Variants in SLC1A7 observed in about 807,000 individuals in gnomAD.
The protein encoded by SLC1A7 is excitatory amino acid transporter 5.
In SLC1A7, 40 loss-of-function variants were observed where a neutral mutation model predicts 47.7. The ratio of observed to expected loss-of-function variants is 0.84; its 90% confidence interval spans 0.65 to 1.09. The LOEUF (loss-of-function observed/expected upper bound fraction) is 1.09, where lower values mean the gene tolerates loss of function less well. Among genes scored for constraint, SLC1A7 ranks in the 50% least tolerant of loss-of-function variants. The pLI is 0.00. For missense variants in SLC1A7, 746 were observed against 769.5 expected, an observed-to-expected ratio of 0.97 and a Z score of 0.36; for synonymous variants, 323 against 325.6, an observed-to-expected ratio of 0.99 and a Z score of 0.09.
chr1:53,126,170 AC>A (rs1402529101), intron 2 of SLC1A7, among the ~76,000 whole-genome samples: 1 of 152,020 alleles, frequency 6.6e-6, no homozygotes, highest in Non-Finnish European at 1.5e-5. Flanking sequence ...GATCTAAAAC[AC>A]CCACCCCTCT....
At chr1:53,126,395 T>C (rs2150340841) in intron 2 of SLC1A7, among the ~76,000 whole-genome samples, 1 of 152,280 alleles carries the variant, frequency 6.6e-6, no homozygotes, top group Non-Finnish European at 1.5e-5. Context: ...AATGCACATA[T>C]GATGGGACTC....
chr1:53,090,087 G>T (rs539035565), intron 8 of SLC1A7, 153 bp from the exon 9 acceptor site: 1 of 741,734 alleles, frequency 1.3e-6, no homozygotes, highest in East Asian at 2.7e-5. Flanking sequence ...AGCTCTCGGG[G>T]TCAAGTCCCT....
chr1:53,139,478 T>C (rs935140793), intron 1 of SLC1A7, among the ~76,000 whole-genome samples: 3 of 152,222 alleles, frequency 2.0e-5, no homozygotes, highest in African/African-American at 2.4e-5. Flanking sequence ...CTCTGGTTCC[T>C]TGGGGCAGGC....
At chr1:53,136,202 A>T (rs1451044364) in intron 1 of SLC1A7, among the ~76,000 whole-genome samples, 3 of 147,134 alleles carry the variant, frequency 2.0e-5, no homozygotes, top group South Asian at 2.1e-4. Context: ...ATATATATAT[A>T]TTTTTTAGAC....
intron 3 of SLC1A7, among the ~76,000 whole-genome samples, chr1:53,106,347 G>A (rs115067275): frequency 4.0e-4 from 60 of 151,888 alleles, no homozygotes; most frequent in Admixed American, 7.2e-4. Flanking sequence ...ATAAAAAACG[G>A]TGGCTCACGC....
chr1:53,118,062 G>A (rs970988313), intron 2 of SLC1A7, among the ~76,000 whole-genome samples: 2 of 152,252 alleles, frequency 1.3e-5, no homozygotes, highest in Non-Finnish European at 2.9e-5. Context: ...AGGTGAGGGC[G>A]GAGGCCAAGA....
At chr1:53,135,981 ATCT>A (rs1474845247) in intron 1 of SLC1A7, among the ~76,000 whole-genome samples, 3 of 151,848 alleles carry the variant, frequency 2.0e-5, no homozygotes, top group Non-Finnish European at 4.4e-5. Flanking sequence ...GACTCTTGAG[ATCT>A]TCTAGCCCAG....
intron 5 of SLC1A7, among the ~76,000 whole-genome samples, chr1:53,100,567 T>C (rs1250172147): frequency 6.6e-6 from 1 of 151,270 alleles, no homozygotes; most frequent in East Asian, 2.0e-4. Context: ...ACTGCCTCAA[T>C]ACACATACAC....
At chr1:53,095,544 CACTCA>C (rs200225374) in intron 5 of SLC1A7, among the ~76,000 whole-genome samples, 1,678 of 150,062 alleles carry the variant, frequency 0.011, 38 homozygotes, top group African/African-American at 0.039. Flanking sequence ...CGCCTCGGTA[CACTCA>C]ACTCGCCTTG....
In SLC1A7 at chr1:53,088,118, G is replaced by A. The variant is rs1196076109; in HGVS notation, c.1574C>T (p.Pro525Leu). 1.1e-5 allele frequency: 17 copies of A among 1,612,768 alleles called. No homozygotes were observed. Among genetic ancestry groups the A allele is most frequent in the Non-Finnish European group, 1.4e-5 (17 of 1,179,338 alleles). Residue 525 changes from proline (P) to leucine (L), a missense_variant, in exon 11 of 11, where the codon CCC (proline) becomes CTC (leucine). Transcript: ENST00000371494. ...AACGGGGACGTGGTGGGGGCAGGTGGGGCCCAGGGTGAGCTCGGAGGCCTC... is the reference window on the plus strand; with the variant it reads ...AACGGGGACGTGGTGGGGGCAGGTGAGGCCCAGGGTGAGCTCGGAGGCCTC... ...VAEASELTLG[P>L]TCPHHVPVQV...
intron 1 of SLC1A7, among the ~76,000 whole-genome samples, chr1:53,138,362 C>G (rs1645021366): frequency 1.3e-5 from 2 of 152,214 alleles, no homozygotes; most frequent in Non-Finnish European, 1.5e-5. Context: ...CTTAGATTCT[C>G]TGCAAACTGT....
At chr1:53,106,721 AGTT>A (rs1311971667) in intron 3 of SLC1A7, among the ~76,000 whole-genome samples, 3 of 152,256 alleles carry the variant, frequency 2.0e-5, no homozygotes, top group Admixed American at 6.5e-5. Context: ...ACTTGATAAA[AGTT>A]GTTTCACAAA....
intron 5 of SLC1A7, among the ~76,000 whole-genome samples, chr1:53,098,501 C>T (rs1416009947): frequency 6.8e-6 from 1 of 147,392 alleles, no homozygotes; most frequent in African/African-American, 2.5e-5. Flanking sequence ...CCTTGTTACA[C>T]TCAAACTGCC....
intron 1 of SLC1A7, among the ~76,000 whole-genome samples, chr1:53,137,619 A>G (rs1195447657): frequency 6.6e-6 from 1 of 152,242 alleles, no homozygotes; most frequent in Non-Finnish European, 1.5e-5. Flanking sequence ...GTAATGTACT[A>G]CAACCATGTC....
chr1:53,125,716 C>T (rs947193131), intron 2 of SLC1A7, among the ~76,000 whole-genome samples: 1 of 152,184 alleles, frequency 6.6e-6, no homozygotes, highest in Admixed American at 6.5e-5. Flanking sequence ...GCCTGAGCAG[C>T]GTTGTGCACC....
chr1:53,134,650 C>T (rs2150345790), intron 1 of SLC1A7, among the ~76,000 whole-genome samples: 1 of 152,262 alleles, frequency 6.6e-6, no homozygotes, highest in East Asian at 1.9e-4. Context: ...TGGCCTTAAG[C>T]ATCTTCTGTG....
intron 1 of SLC1A7, among the ~76,000 whole-genome samples, chr1:53,138,532 AT>A (rs11402739): frequency 4.7e-4 from 66 of 140,068 alleles, no homozygotes; most frequent in East Asian, 2.3e-3. Flanking sequence ...ATTGACATTA[AT>A]TTTTTTTTTT....
intron 5 of SLC1A7, 148 bp downstream of exon 5, chr1:53,103,198 T>G (rs1644602609): frequency 3.2e-6 from 2 of 625,342 alleles, no homozygotes; most frequent in Admixed American, 6.9e-5. Flanking sequence ...AGGATTTAAA[T>G]AAACAGGTGT....
At position 53,092,715 on chromosome 1, in the gene SLC1A7, G is replaced by A; in HGVS notation, c.870C>T (p.Gly290=). The A allele has an allele frequency of 6.2e-7, 1 of 1,614,080 alleles. No individual in the cohort carries two copies. The highest frequency in any genetic ancestry group is 8.5e-7 in the Non-Finnish European group (1 of 1,179,974). ...ILEMDDPRAV[G]KKLGFYSVTV... ...TGACTGAGTAGAAGCCCAGCTTCTT[G>A]CCGACGGCCCTGGGGTCGTCCATCT... is the stretch of plus-strand genomic sequence containing the variant. Residue 290 remains glycine (G), a synonymous_variant, in exon 7 of 11, where the codon GGC becomes GGT. Transcript: ENST00000371494.
Sources: allele counts gnomAD v4.1 joint callset (sites outside exome capture counted in the v4.1 genomes callset), GRCh38; gene constraint gnomAD v4.1.1; transcripts MANE v1.5; gene names NCBI Gene and HGNC (gene_info 2026-07-23, HGNC 2026-07-21).